CDK8: variants seen among roughly 807,000 people sequenced by gnomAD.
The protein encoded by CDK8 is cyclin dependent kinase 8.
A neutral mutation model predicts 71.5 loss-of-function variants in CDK8; 29 were observed. The observed-to-expected ratio is 0.41, with a 90% CI of 0.30 to 0.55. The LOEUF (loss-of-function observed/expected upper bound fraction) is 0.55, where lower values mean the gene tolerates loss of function less well. Ranked by LOEUF, CDK8 falls within the 20% of genes least tolerant of loss-of-function variation. The pLI, the probability that CDK8 is intolerant of heterozygous loss-of-function variation, is 0.37. For synonymous variants in CDK8, 161 were observed against 192.1 expected (o/e 0.84, Z 1.34); for missense variants, 288 against 572.6 (o/e 0.50, Z 5.07).
At chr13:26,374,159 C>T (rs559637445) in intron 4 of CDK8, among the ~76,000 whole-genome samples, 6 of 151,978 alleles carry the variant, frequency 3.9e-5, no homozygotes, top group Admixed American at 3.3e-4. Flanking sequence ...GGAGATCACG[C>T]GACTGCACTC....
At chr13:26,319,636 C>T (rs1874671767) in intron 1 of CDK8, among the ~76,000 whole-genome samples, 1 of 150,562 alleles carries the variant, frequency 6.6e-6, no homozygotes, top group African/African-American at 2.4e-5. Context: ...TCAACAGGAC[C>T]CAAATTGATT....
chr13:26,371,989 A>C (rs1356792752), intron 4 of CDK8, among the ~76,000 whole-genome samples: 1 of 152,204 alleles, frequency 6.6e-6, no homozygotes, highest in Non-Finnish European at 1.5e-5. Context: ...TATAGATTAC[A>C]GCCATGTAAT....
At chr13:26,283,245 C>A (rs2137888724) in intron 1 of CDK8, among the ~76,000 whole-genome samples, 1 of 152,324 alleles carries the variant, frequency 6.6e-6, no homozygotes, top group East Asian at 1.9e-4. Context: ...GCAGAATATA[C>A]ATTCTTGTCA....
chr13:26,322,726 C>G (rs1369762923), intron 1 of CDK8, among the ~76,000 whole-genome samples: 1 of 152,134 alleles, frequency 6.6e-6, no homozygotes, highest in Admixed American at 6.6e-5. Flanking sequence ...TTGACAGTCA[C>G]TTCTTTAGTA....
At chr13:26,372,126 T>G (rs1451663531) in intron 4 of CDK8, among the ~76,000 whole-genome samples, 2 of 152,136 alleles carry the variant, frequency 1.3e-5, no homozygotes, top group African/African-American at 4.8e-5. Flanking sequence ...ATGGTAAGTA[T>G]TGACAAAGAC....
At chr13:26,279,967 TTGTGTG>T (rs148491122) in intron 1 of CDK8, among the ~76,000 whole-genome samples, 25 of 149,454 alleles carry the variant, frequency 1.7e-4, no homozygotes, top group African/African-American at 5.9e-4. Context: ...CAGAAGAAAA[TTGTGTG>T]TGTGTGTGTG....
intron 4 of CDK8, among the ~76,000 whole-genome samples, chr13:26,380,640 T>G (rs1029996287): frequency 2.0e-5 from 3 of 151,728 alleles, no homozygotes; most frequent in African/African-American, 7.3e-5. Context: ...CCTGGCTGAT[T>G]TAAAAAAAAA....
At chr13:26,304,594 A>G (rs2137921209) in intron 1 of CDK8, among the ~76,000 whole-genome samples, 1 of 150,398 alleles carries the variant, frequency 6.6e-6, no homozygotes, top group Admixed American at 6.6e-5. Context: ...AACTCCATTT[A>G]CTCCCCCAGC....
chr13:26,344,220 A>T (rs1873365147), intron 2 of CDK8, among the ~76,000 whole-genome samples: 1 of 152,162 alleles, frequency 6.6e-6, no homozygotes, highest in African/African-American at 2.4e-5. Context: ...TGCAAAAGAC[A>T]TGATTTTATT....
intron 4 of CDK8, among the ~76,000 whole-genome samples, chr13:26,377,123 A>G (rs1041885434): frequency 1.3e-5 from 2 of 152,288 alleles, no homozygotes; most frequent in African/African-American, 4.8e-5. Context: ...CTTCTTAAGT[A>G]AGTCAGAAAC....
intron 2 of CDK8, among the ~76,000 whole-genome samples, chr13:26,343,326 A>G (rs1873321169): frequency 6.6e-6 from 1 of 152,208 alleles, no homozygotes; most frequent in African/African-American, 2.4e-5. Flanking sequence ...ACACAATGCT[A>G]AATATTTGTA....
rs370024449 is a variant in CDK8, at chr13:26,387,423, T to C, written c.646+2081T>C. 2.2e-4 allele frequency among the ~76,000 whole-genome samples: 33 copies of C among 152,330 alleles called. No individual in the cohort carries two copies. The East Asian group carries it at 4.8e-3, about 22-fold the overall frequency. ...CATGGGGCTTATAGAGTGAGAACTT[T>C]AGGGTGATACAGCAGAGAGCCACCG... On this transcript the variant is annotated intron_variant, in intron 6 of 12. Coordinates refer to ENST00000381527, the MANE Select transcript of CDK8 (RefSeq NM_001260.3).
chr13:26,336,598 G>T (rs1357384319), intron 1 of CDK8, among the ~76,000 whole-genome samples: 2 of 141,792 alleles, frequency 1.4e-5, no homozygotes, highest in Non-Finnish European at 3.0e-5. Context: ...CTGTCGCCCA[G>T]GCTGGACTGC....
At chr13:26,343,735 A>G (rs974726328) in intron 2 of CDK8, among the ~76,000 whole-genome samples, 1 of 152,148 alleles carries the variant, frequency 6.6e-6, no homozygotes, top group African/African-American at 2.4e-5. Context: ...AGTTTATAAA[A>G]CATATTTTAC....
chr13:26,343,163 T>C (rs1300637344), intron 2 of CDK8, among the ~76,000 whole-genome samples: 1 of 152,152 alleles, frequency 6.6e-6, no homozygotes, highest in East Asian at 1.9e-4. Flanking sequence ...AAAAAATGCA[T>C]TATTAGGCGA....
intron 4 of CDK8, among the ~76,000 whole-genome samples, chr13:26,365,166 T>C (rs1041266980): frequency 6.6e-6 from 1 of 152,188 alleles, no homozygotes; most frequent in African/African-American, 2.4e-5. Flanking sequence ...CCATAAAATT[T>C]AGGCTTGCAG....
chr13:26,332,255 G>A (rs1370229898), intron 1 of CDK8, among the ~76,000 whole-genome samples: 1 of 151,876 alleles, frequency 6.6e-6, no homozygotes, highest in Non-Finnish European at 1.5e-5. Context: ...GGAGGCTGAG[G>A]TGGGTGGATC....
At chr13:26,346,398 A>AT (rs1427998685) in intron 2 of CDK8, among the ~76,000 whole-genome samples, 3 of 152,246 alleles carry the variant, frequency 2.0e-5, no homozygotes, top group African/African-American at 7.2e-5. Context: ...TAGGTTTCTA[A>AT]TAATTGTGGA....
rs148246854 is a variant in CDK8, at chr13:26,345,168, T to G, written c.205-3904T>G. Among the ~76,000 whole-genome samples, 1,032 of 152,294 alleles carry G rather than the reference T, an allele frequency of 6.8e-3. 8 individuals carry two copies. The highest frequency in any genetic ancestry group is 0.024 in the Middle Eastern group (7 of 294). On this transcript the variant is annotated intron_variant, in intron 2 of 12. Transcript: ENST00000381527. Reference sequence around the variant, plus strand: ...TCTGTTATTGACTGTGACATCATCATGCAGCATGTGACTGTACGGTCACAT... The same window carrying G: ...TCTGTTATTGACTGTGACATCATCAGGCAGCATGTGACTGTACGGTCACAT...
Sources: allele counts gnomAD v4.1 joint callset (sites outside exome capture counted in the v4.1 genomes callset), GRCh38; gene constraint gnomAD v4.1.1; transcripts MANE v1.5; gene names NCBI Gene and HGNC (gene_info 2026-07-23, HGNC 2026-07-21).